ZNRF3: variants seen among roughly 807,000 people sequenced by gnomAD.
ZNRF3 encodes E3 ubiquitin-protein ligase ZNRF3.
ZNRF3 carries 23 observed loss-of-function variants against 72.5 expected under a neutral mutation model. That is an observed-to-expected ratio of 0.32 (90% CI 0.23 to 0.45). ZNRF3 has a LOEUF of 0.45. Among genes scored for constraint, ZNRF3 ranks in the 20% least tolerant of loss-of-function variants. The pLI, the probability that ZNRF3 is intolerant of heterozygous loss-of-function variation, is 1.00. For synonymous variants in ZNRF3, 610 were observed against 545.3 expected (o/e 1.12, Z -1.65); for missense variants, 1,169 against 1,272.1 (o/e 0.92, Z 1.23).
chr22:29,042,909 G>A (rs937283084), intron 3 of ZNRF3, among the ~76,000 whole-genome samples: 1 of 152,086 alleles, frequency 6.6e-6, no homozygotes, highest in African/African-American at 2.4e-5. Flanking sequence ...CAAGTATCTG[G>A]AATTATAGGC....
At chr22:28,936,390 G>A (rs933574508) in intron 1 of ZNRF3, among the ~76,000 whole-genome samples, 1 of 152,126 alleles carries the variant, frequency 6.6e-6, no homozygotes, top group Non-Finnish European at 1.5e-5. Flanking sequence ...CACCCTGTGT[G>A]GTCTCCTGCC....
chr22:28,974,059 G>A (rs185758279), intron 1 of ZNRF3, among the ~76,000 whole-genome samples: 104 of 146,250 alleles, frequency 7.1e-4, no homozygotes, highest in African/African-American at 2.5e-3. Context: ...CCGAGTTCAC[G>A]CCATCCTCCC....
At position 29,050,713 on chromosome 22, in the gene ZNRF3, G is replaced by C. The variant is rs371526697; in HGVS notation, c.2532G>C (p.Ser844=). 5.4e-5 allele frequency: 87 copies of C among 1,611,484 alleles called. No individual in the cohort carries two copies. In the African/African-American group the frequency reaches 9.6e-4, roughly 18 times the overall value. ...EDVDCDLGLP[S]DCQGTHSLGS... The stretch of plus-strand genomic sequence containing the variant: ...TGGACTGTGATCTGGGCCTGCCCTC[G>C]GACTGCCAAGGGACCCACAGCCTCG... The change falls in exon 8 of 9, where the codon TCG becomes TCC. Residue 844 remains serine (S), a synonymous_variant. Coordinates refer to ENST00000544604, the MANE Select transcript of ZNRF3 (RefSeq NM_001206998.2).
rs764130618 is a variant in ZNRF3, at chr22:29,049,163, C to G, written c.1016-34C>G. On this transcript the variant is annotated intron_variant, in intron 7 of 8. Transcript: ENST00000544604. This position sits in a 1 kb window ranked among gnomAD's most constrained non-coding sequence, Gnocchi z 5.2. ...TAGCCTCTGACACCAGTATGCTCAG[C>G]CCTGCCTACTCTGTTTCCTCCACTT... is the stretch of plus-strand genomic sequence containing the variant. 3.8e-6 allele frequency: 6 copies of G among 1,559,334 alleles called. No individual in the cohort carries two copies. Among genetic ancestry groups the G allele is most frequent in the Non-Finnish European group, 5.2e-6 (6 of 1,150,458 alleles).
At chr22:29,039,025 C>G (rs1266065817) in intron 2 of ZNRF3, among the ~76,000 whole-genome samples, 1 of 152,128 alleles carries the variant, frequency 6.6e-6, no homozygotes, top group Non-Finnish European at 1.5e-5. Context: ...CCGCCTCAGC[C>G]TCCCAAGTAG....
At chr22:29,029,151 A>G (rs1473413076) in intron 2 of ZNRF3, among the ~76,000 whole-genome samples, 2 of 152,246 alleles carry the variant, frequency 1.3e-5, no homozygotes, top group Non-Finnish European at 1.5e-5. Context: ...CCACACTGAC[A>G]TGCTCTGGCA....
intron 1 of ZNRF3, among the ~76,000 whole-genome samples, chr22:28,941,836 G>A (rs1461208071): frequency 3.9e-5 from 6 of 151,968 alleles, no homozygotes; most frequent in African/African-American, 9.7e-5. Context: ...TCTTGAACCC[G>A]GGAGGTGGAA....
At chr22:28,947,832 A>G (rs1045840452) in intron 1 of ZNRF3, among the ~76,000 whole-genome samples, 2 of 151,852 alleles carry the variant, frequency 1.3e-5, no homozygotes, top group Admixed American at 1.3e-4. Flanking sequence ...TTAAAAACAC[A>G]TTACATGTTA....
chr22:28,999,439 G>A (rs1361311207), intron 2 of ZNRF3, among the ~76,000 whole-genome samples: 1 of 152,196 alleles, frequency 6.6e-6, no homozygotes, highest in East Asian at 1.9e-4. Context: ...TTGTGCCACT[G>A]TACTCTAGTC....
At chr22:28,915,101 T>C (rs945835639) in intron 1 of ZNRF3, among the ~76,000 whole-genome samples, 1 of 152,236 alleles carries the variant, frequency 6.6e-6, no homozygotes, top group Non-Finnish European at 1.5e-5. Context: ...TTCTGTCTTC[T>C]AGAGTATATT....
chr22:28,965,767 A>G (rs1601609630), intron 1 of ZNRF3, among the ~76,000 whole-genome samples: 1 of 152,206 alleles, frequency 6.6e-6, no homozygotes. Context: ...GAGAAGGACA[A>G]ACTTCAAAAG....
chr22:29,044,103 A>C (rs1345584022), intron 4 of ZNRF3, among the ~76,000 whole-genome samples: 1 of 152,220 alleles, frequency 6.6e-6, no homozygotes, highest in Non-Finnish European at 1.5e-5. Flanking sequence ...TTCACAGTGT[A>C]GGATGATTCT....
intron 2 of ZNRF3, among the ~76,000 whole-genome samples, chr22:28,990,853 G>C (rs2035939902): frequency 6.6e-6 from 1 of 152,106 alleles, no homozygotes; most frequent in Non-Finnish European, 1.5e-5. Context: ...CCTGTGGAGA[G>C]TCTCATGGCA....
chr22:28,992,286 C>G (rs1422008669), intron 2 of ZNRF3, among the ~76,000 whole-genome samples: 2 of 150,380 alleles, frequency 1.3e-5, no homozygotes, highest in East Asian at 3.9e-4. Flanking sequence ...ATAATAGAAA[C>G]TCAGCCTGAG....
chr22:28,949,075 G>A (rs1270064348), intron 1 of ZNRF3, among the ~76,000 whole-genome samples: 1 of 151,150 alleles, frequency 6.6e-6, no homozygotes, highest in Non-Finnish European at 1.5e-5. Context: ...TGCCTTCCGG[G>A]TTCAATCAAT....
At chr22:28,941,894 G>A (rs555134616) in intron 1 of ZNRF3, among the ~76,000 whole-genome samples, 348 of 152,282 alleles carry the variant, frequency 2.3e-3, no homozygotes, top group Admixed American at 5.2e-3. Flanking sequence ...GGCGGAGGTC[G>A]CAGTGAGCAG....
intron 1 of ZNRF3, among the ~76,000 whole-genome samples, chr22:28,947,492 A>G (rs2035074181): frequency 6.6e-6 from 1 of 152,160 alleles, no homozygotes; most frequent in South Asian, 2.1e-4. Flanking sequence ...GAGGATTCTA[A>G]TTTCTCCATA....
chr22:29,049,757 A>C lies in ZNRF3; in HGVS notation c.1576A>C (p.Thr526Pro). The change falls in exon 8 of 9, where the codon ACG (threonine) becomes CCG (proline). Residue 526 changes from threonine (T) to proline (P), a missense_variant. This residue lies in a region of ZNRF3 where 783 missense variants were observed against 731.4 expected (regional missense o/e 1.07). Coordinates refer to ENST00000544604, the MANE Select transcript of ZNRF3 (RefSeq NM_001206998.2). This position sits in a 1 kb window ranked among gnomAD's most constrained non-coding sequence, Gnocchi z 5.2. ...GCCCTCCCACCTGGAGAGCGGCAGC[A>C]CGTCCAGCTTCAGCTGCTATCACGG... is the stretch of plus-strand genomic sequence containing the variant. ...APPSHLESGS[T>P]SSFSCYHGHR... is the part of the protein sequence containing the mutation. 1 of 1,595,410 alleles carries C rather than the reference A, an allele frequency of 6.3e-7. No homozygotes were observed. The highest frequency in any genetic ancestry group is 8.6e-7 in the Non-Finnish European group (1 of 1,168,950).
chr22:28,987,424 C>T (rs1302162750), intron 2 of ZNRF3, among the ~76,000 whole-genome samples: 1 of 152,218 alleles, frequency 6.6e-6, no homozygotes, highest in Admixed American at 6.5e-5. Context: ...GCGGGCTCTA[C>T]CCTCTTGTCC....
Sources: gnomAD v4.1 joint callset for allele counts (sites outside exome capture counted in the v4.1 genomes callset) on GRCh38, gnomAD v4.1.1 for gene constraint, gnomAD v4.1.1 regional missense constraint, Gnocchi (gnomAD v3.1) non-coding constraint, MANE v1.5 for transcripts, NCBI Gene and HGNC (gene_info 2026-07-23, HGNC 2026-07-21) for gene names.